The following CARD10 variants were observed in gnomAD, a reference collection of about 807,000 sequenced individuals.
CARD10 encodes the protein caspase recruitment domain family member 10, also known as caspase recruitment domain-containing protein 10.
CARD10 carries 49 observed loss-of-function variants against 114.6 expected under a neutral mutation model. That is an observed-to-expected ratio of 0.43 (90% CI 0.34 to 0.54). The LOEUF is 0.54. Ranked by LOEUF, CARD10 falls within the 20% of genes least tolerant of loss-of-function variation. CARD10 has a pLI of 0.03. For missense variants in CARD10, 1,206 were observed against 1,397.2 expected, an observed-to-expected ratio of 0.86 and a Z score of 2.18; for synonymous variants, 602 against 593.2, an observed-to-expected ratio of 1.01 and a Z score of -0.21.
intron 15 of CARD10, among the ~76,000 whole-genome samples, chr22:37,494,812 T>A (rs887865948): frequency 1.3e-5 from 2 of 152,212 alleles, no homozygotes; most frequent in African/African-American, 4.8e-5. Flanking sequence ...GTGGCAGAGC[T>A]GGGGTCGAAT....
chr22:37,510,311 C>G lies in CARD10; in HGVS notation c.810G>C (p.Lys270Asn), dbSNP rs751686664. The change falls in exon 4 of 20, where the codon AAG becomes AAC. Residue 270 changes from lysine to asparagine, a missense_variant. Physicochemically the swap from Lys to Asn is moderately conservative, Grantham distance 94. Coordinates refer to ENST00000251973, the MANE Select transcript of CARD10 (RefSeq NM_014550.4). ...GAEEKEKEKE[K>N]EKEPDNVDLV... ...GGTCCACATTGTCTGGCTCCTTCTC[C>G]TTCTCCTTCTCCTTCTCCTTCTCCT... 6.2e-7 allele frequency: 1 copy of G among 1,600,072 alleles called. No individual in the cohort carries two copies. Among genetic ancestry groups the G allele is most frequent in the Non-Finnish European group, 8.5e-7 (1 of 1,173,336 alleles).
chr22:37,512,236 T>G (rs1271250998), intron 3 of CARD10: 2 of 151,992 alleles, frequency 1.3e-5, no homozygotes, highest in African/African-American at 4.8e-5. Flanking sequence ...GGACTATGAG[T>G]GCACTCAGCC....
chr22:37,491,862 G>A lies in CARD10; in HGVS notation c.2757C>T (p.His919=), dbSNP rs752958801. ...RAIQESVGKK[H]CLLELGARGV... is the part of the protein sequence containing the mutation. Reference sequence around the variant, plus strand: ...CCCGAGCACCCAGCTCCAGCAGGCAGTGCTTCTGCTTGGAGGATCGAGGCT... The same window carrying A: ...CCCGAGCACCCAGCTCCAGCAGGCAATGCTTCTGCTTGGAGGATCGAGGCT... The change falls in exon 19 of 20, where the codon CAC becomes CAT. Residue 919 remains histidine (H), a synonymous_variant. Coordinates refer to ENST00000251973, the MANE Select transcript of CARD10 (RefSeq NM_014550.4). 1 of 1,604,598 alleles carries A rather than the reference G, an allele frequency of 6.2e-7. No individual in the cohort carries two copies. Among genetic ancestry groups the A allele is most frequent in the Non-Finnish European group, 8.5e-7 (1 of 1,177,086 alleles).
chr22:37,499,566 A>G (rs1923137985), intron 11 of CARD10, among the ~76,000 whole-genome samples: 1 of 151,706 alleles, frequency 6.6e-6, no homozygotes, highest in African/African-American at 2.4e-5. Flanking sequence ...GCAAGCATCA[A>G]GGCTGACCTC....
chr22:37,512,960 A>T (rs1923713409), intron 3 of CARD10, among the ~76,000 whole-genome samples: 1 of 152,148 alleles, frequency 6.6e-6, no homozygotes, highest in Non-Finnish European at 1.5e-5. Context: ...TGCCTATGGG[A>T]GGTGGGGATG....
At chr22:37,513,627 C>A (rs1351512940) in intron 3 of CARD10, among the ~76,000 whole-genome samples, 2 of 152,040 alleles carry the variant, frequency 1.3e-5, no homozygotes, top group Admixed American at 6.5e-5. Flanking sequence ...CCTCCCAGTA[C>A]CCCCAGCCTG....
chr22:37,494,504 GGAA>G, intron 15 of CARD10: 1 of 414,320 alleles, frequency 2.4e-6, no homozygotes. Flanking sequence ...GAGACCAAGA[GGAA>G]CCAAATGTCA....
chr22:37,503,110 G>T, intron 10 of CARD10, 75 bp downstream of exon 10: 1 of 1,474,960 alleles, frequency 6.8e-7, no homozygotes, highest in Non-Finnish European at 9.4e-7. Flanking sequence ...CGCAGGTGGT[G>T]CAGGCTTCAG....
intron 3 of CARD10, chr22:37,514,891 C>T (rs2145775998): frequency 6.6e-6 from 1 of 152,386 alleles, no homozygotes; most frequent in Middle Eastern, 3.4e-3. Flanking sequence ...CTGCTGAGTC[C>T]CAGTCAGAAA....
chr22:37,519,147 C>G lies in CARD10; in HGVS notation c.54G>C (p.Ser18=). The change falls in exon 1 of 20, where the codon TCG becomes TCC. Residue 18 remains serine (S), a synonymous_variant. Transcript: ENST00000251973. This position sits in a 1 kb window ranked among gnomAD's most constrained non-coding sequence, Gnocchi z 4.1. ...GEAEEEAGAG[S]GSEAEEDALW... ...GCGCGTCCTCCTCCGCCTCAGACCC[C>G]GAGCCGGCCCCGGCCTCCTCCTCGG... The G allele has an allele frequency of 6.5e-7, 1 of 1,546,850 alleles. No individual in the cohort carries two copies. The highest frequency in any genetic ancestry group is 8.7e-7 in the Non-Finnish European group (1 of 1,152,844).
At chr22:37,515,433 C>T (rs1313968155) in intron 3 of CARD10, among the ~76,000 whole-genome samples, 4 of 151,972 alleles carry the variant, frequency 2.6e-5, no homozygotes, top group South Asian at 4.2e-4. Flanking sequence ...TGTGGTGGCA[C>T]GAGCCTGTAA....
chr22:37,497,007 G>A lies in CARD10; in HGVS notation c.1947+12C>T. The A allele has an allele frequency of 1.9e-6, 3 of 1,601,838 alleles. No individual in the cohort carries two copies. The highest frequency in any genetic ancestry group is 2.6e-6 in the Non-Finnish European group (3 of 1,174,638). ...TGACCCTACCCCCCCAGCTCAGGAG[G>A]CAGGGCCTCACCTCTCTTGGTTCCA... On this transcript the variant is annotated intron_variant, in intron 12 of 19. Transcript: ENST00000251973.
chr22:37,491,269 C>T lies in CARD10; in HGVS notation c.2989G>A (p.Ala997Thr), dbSNP rs979594668. Reference sequence around the variant, plus strand: ...CGCACCACCTTGGCCAGCTCCTCTGCGTGTCCCCACTCATGGGCGGGCACC... The same window carrying T: ...CGCACCACCTTGGCCAGCTCCTCTGTGTGTCCCCACTCATGGGCGGGCACC... Reference protein sequence around the residue: ...VQVPAHEWGHAEELAKVVRGR... With the variant: ...VQVPAHEWGHTEELAKVVRGR... The change falls in exon 20 of 20, where the codon GCA (alanine) becomes ACA (threonine). Residue 997 changes from alanine (A) to threonine (T), a missense_variant. Ala to Thr is a moderately conservative substitution (Grantham distance 58). Transcript: ENST00000251973. 3.2e-6 allele frequency: 5 copies of T among 1,569,288 alleles called. No homozygotes were observed. Among genetic ancestry groups the T allele is most frequent in the South Asian group, 2.3e-5 (2 of 86,084 alleles).
At chr22:37,497,243 T>C (rs1403755431) in intron 11 of CARD10, 65 bp from the exon 12 acceptor site, 2 of 1,505,834 alleles carry the variant, frequency 1.3e-6, no homozygotes, top group Non-Finnish European at 1.8e-6. Context: ...TTCAGCATTC[T>C]TGGAAAACCA....
intron 11 of CARD10, among the ~76,000 whole-genome samples, chr22:37,497,638 C>A (rs1250997694): frequency 6.6e-6 from 1 of 152,008 alleles, no homozygotes; most frequent in Admixed American, 6.6e-5. Context: ...CCGAGGCAGG[C>A]GGATCATGAG....
chr22:37,508,324 C>G (rs1009347865), intron 5 of CARD10, among the ~76,000 whole-genome samples: 1 of 152,176 alleles, frequency 6.6e-6, no homozygotes, highest in Non-Finnish European at 1.5e-5. Context: ...TGCTGGAGTT[C>G]CCCCTCAAGG....
intron 15 of CARD10, among the ~76,000 whole-genome samples, chr22:37,495,157 G>A (rs1205849591): frequency 3.9e-5 from 6 of 152,110 alleles, no homozygotes; most frequent in South Asian, 2.1e-4. Flanking sequence ...CAGTAGAGAC[G>A]GGGTTTCACC....
chr22:37,495,548 G>C lies in CARD10; in HGVS notation c.2342C>G (p.Pro781Arg). 6.2e-7 allele frequency: 1 copy of C among 1,613,266 alleles called. No homozygotes were observed. Among genetic ancestry groups the C allele is most frequent in the Non-Finnish European group, 8.5e-7 (1 of 1,179,844 alleles). ...GCGGGGGCCTCGGTGCCGGCTGGAG[G>C]GCAGGCATTTCTCCTGAACTTCTAG... ...QLLEVQEKCL[P>R]SSRHRGPRSN... is the part of the protein sequence containing the mutation. Residue 781 changes from proline to arginine, a missense_variant, in exon 15 of 20, where the codon CCC becomes CGC. By Grantham distance (103) the Pro-to-Arg change is moderately radical. This residue lies in a region of CARD10 where 1,068 missense variants were observed against 1,179.1 expected (regional missense o/e 0.91). Transcript: ENST00000251973.
intron 4 of CARD10, chr22:37,508,980 A>C (rs554807524): frequency 6.5e-7 from 1 of 1,547,836 alleles, no homozygotes; most frequent in African/African-American, 1.4e-5. Context: ...AGCACCAGGC[A>C]CACACTCGTG....
Sources: gnomAD v4.1 joint callset for allele counts (sites outside exome capture counted in the v4.1 genomes callset) on GRCh38, gnomAD v4.1.1 for gene constraint, gnomAD v4.1.1 regional missense constraint, Gnocchi (gnomAD v3.1) non-coding constraint, MANE v1.5 for transcripts, NCBI Gene and HGNC (gene_info 2026-07-23, HGNC 2026-07-21) for gene names.